Variants in PDGFRB observed in about 807,000 individuals in gnomAD.
PDGFRB encodes platelet-derived growth factor receptor beta.
PDGFRB carries 42 observed loss-of-function variants against 120.2 expected under a neutral mutation model. The observed-to-expected ratio is 0.35, with a 90% CI of 0.27 to 0.45. The LOEUF is 0.45. Ranked by LOEUF, PDGFRB falls within the 20% of genes least tolerant of loss-of-function variation. The pLI is 1.00. For missense variants in PDGFRB, 1,149 were observed against 1,476.3 expected, an observed-to-expected ratio of 0.78 and a Z score of 3.63; for synonymous variants, 586 against 606.8, an observed-to-expected ratio of 0.97 and a Z score of 0.50.
In PDGFRB at chr5:150,120,461, G is replaced by C. The variant is rs181007700; in HGVS notation, c.2587-338C>G. 6.6e-6 allele frequency among the ~76,000 whole-genome samples: 1 copy of C among 152,182 alleles called. No homozygotes were observed. Among genetic ancestry groups the C allele is most frequent in the South Asian group, 2.1e-4 (1 of 4,836 alleles). On this transcript the variant is annotated intron_variant, in intron 18 of 22. Transcript: ENST00000261799. The surrounding 1 kb of genome is among the most constrained non-coding windows in gnomAD (Gnocchi z 4.3). The stretch of plus-strand genomic sequence containing the variant: ...GCTGCCTTTGATCTCTGGGCCTAGC[G>C]TCCCTCCATCTGGGGTTTGCGGAAA...
chr5:150,114,533 G>A lies in PDGFRB; in HGVS notation c.*1230C>T. The A allele has an allele frequency of 4.3e-6, 1 of 233,360 alleles. No homozygotes were observed. 14.5% of individuals were successfully genotyped at this position (233,360 alleles called of 1,614,324 possible). A position where few individuals can be genotyped will look rare whatever the true frequency, so the allele number is the denominator to read the frequency against. ...CCCGTGGTCTTCCCATGTCCCTGGGGCAGCTGCTGGGGGCTTTCCAGGACA... is the reference window on the plus strand; with the variant it reads ...CCCGTGGTCTTCCCATGTCCCTGGGACAGCTGCTGGGGGCTTTCCAGGACA... On this transcript the variant is annotated 3_prime_UTR_variant, in exon 23 of 23. Transcript: ENST00000261799.
chr5:150,129,757 A>G lies in PDGFRB; in HGVS notation c.1579T>C (p.Ser527Pro), dbSNP rs1475343244. The G allele has an allele frequency of 1.9e-6, 3 of 1,610,386 alleles. No homozygotes were observed. Among genetic ancestry groups the G allele is most frequent in the Non-Finnish European group, 2.5e-6 (3 of 1,177,684 alleles). The change falls in exon 10 of 23, where the codon TCC becomes CCC. Residue 527 changes from serine to proline, a missense_variant and splice_region_variant. Coordinates refer to ENST00000261799, the MANE Select transcript of PDGFRB (RefSeq NM_002609.4). ...GGGGCCACTGAGGCTGGGGACTCAC[A>G]GTGTGGCACCACGATGACCTCCTGC... ...DTQEVIVVPH[S>P]LPFKVVVISA...
Position 150,132,993 on chromosome 5 carries a change from G to A in PDGFRB, c.935-51C>T, listed in dbSNP as rs1760515357. 7.5e-7 allele frequency: 1 copy of A among 1,337,576 alleles called. No individual in the cohort carries two copies. Among genetic ancestry groups the A allele is most frequent in the East Asian group, 2.5e-5 (1 of 39,614 alleles). 82.9% of individuals were successfully genotyped at this position (1,337,576 alleles called of 1,614,324 possible). ...GGGCCCTGGGGGCAGGGCACCAACT[G>A]AATCCCAAAGGAGGCCAGCCTGTGG... is the stretch of plus-strand genomic sequence containing the variant. On this transcript the variant is annotated intron_variant, in intron 6 of 22. Transcript: ENST00000261799. The surrounding 1 kb of genome is among the most constrained non-coding windows in gnomAD (Gnocchi z 5.0).
chr5:150,139,022 T>C (rs1273587665), intron 1 of PDGFRB, among the ~76,000 whole-genome samples: 1 of 152,152 alleles, frequency 6.6e-6, no homozygotes, highest in Non-Finnish European at 1.5e-5. Context: ...GGGCTGGGCC[T>C]TCATGGCATG....
rs55889271 is a variant in PDGFRB, at chr5:150,132,842, C to T, written c.1035G>A (p.Pro345=). The change falls in exon 7 of 23, where the codon CCG becomes CCA. Residue 345 remains proline, a synonymous_variant. Coordinates refer to ENST00000261799, the MANE Select transcript of PDGFRB (RefSeq NM_002609.4). This position sits in a 1 kb window ranked among gnomAD's most constrained non-coding sequence, Gnocchi z 5.0. The part of the protein sequence containing the change: ...TLQVVFEAYP[P]PTVLWFKDNR... ...TGTCTTTGAACCACAGGACAGTGGGCGGTGGGTAGGCCTCGAACACTACCT... is the reference window on the plus strand; with the variant it reads ...TGTCTTTGAACCACAGGACAGTGGGTGGTGGGTAGGCCTCGAACACTACCT... 59 of 1,610,122 alleles carry T rather than the reference C, an allele frequency of 3.7e-5. No homozygotes were observed. Among genetic ancestry groups the T allele is most frequent in the South Asian group, 7.8e-5 (7 of 90,254 alleles).
chr5:150,117,149 C>T (rs1759961111), intron 22 of PDGFRB, among the ~76,000 whole-genome samples: 1 of 152,236 alleles, frequency 6.6e-6, no homozygotes, highest in African/African-American at 2.4e-5. Flanking sequence ...TGAATTCTGT[C>T]CTGAATTCCT....
At chr5:150,134,653 G>A (rs962686051) in intron 4 of PDGFRB, 97 bp downstream of exon 4, 12 of 1,091,346 alleles carry the variant, frequency 1.1e-5, no homozygotes, top group African/African-American at 1.6e-5. Context: ...AATCCACTGG[G>A]AAGTGGAGTC....
intron 21 of PDGFRB, among the ~76,000 whole-genome samples, chr5:150,118,422 G>C (rs938895178): frequency 6.6e-6 from 1 of 152,164 alleles, no homozygotes; most frequent in African/African-American, 2.4e-5. Context: ...GTAACCTGGG[G>C]TTATTCACAC....
In PDGFRB at chr5:150,115,935, T is replaced by C. The variant is rs997837689; in HGVS notation, c.3149A>G (p.Asn1050Ser). The C allele has an allele frequency of 8.3e-6, 13 of 1,572,428 alleles. No homozygotes were observed. The highest frequency in any genetic ancestry group is 1.1e-5 in the Non-Finnish European group (13 of 1,157,352). ...GATGGTTGAGGAGGTGTTGACTTCA[T>C]TCAGGGTGGAGCTAGAGGAAAGAGG... ...GSPSLASSTL[N>S]EVNTSSTISC... Residue 1050 changes from asparagine to serine, a missense_variant, in exon 23 of 23, where the codon AAT (asparagine) becomes AGT (serine). Asn to Ser is a conservative substitution (Grantham distance 46, BLOSUM62 1). Transcript: ENST00000261799.
At chr5:150,116,663 C>T (rs1759943093) in intron 22 of PDGFRB, among the ~76,000 whole-genome samples, 1 of 151,544 alleles carries the variant, frequency 6.6e-6, no homozygotes, top group Non-Finnish European at 1.5e-5. Context: ...AAGAGGACAC[C>T]AATGTTTAGA....
At chr5:150,129,633 C>A in intron 10 of PDGFRB, 124 bp downstream of exon 10, 1 of 710,510 alleles carries the variant, frequency 1.4e-6, no homozygotes, top group South Asian at 1.7e-5. Flanking sequence ...TTTCACAATG[C>A]TCCTGTTTGC....
intron 1 of PDGFRB, among the ~76,000 whole-genome samples, chr5:150,149,699 G>A (rs997199705): frequency 3.4e-4 from 51 of 152,130 alleles, no homozygotes; most frequent in African/African-American, 1.2e-3. Context: ...TACCTTCAAT[G>A]CTCTGGGCCA....
chr5:150,115,714 G>C lies in PDGFRB; in HGVS notation c.*49C>G. 1 of 1,511,080 alleles carries C rather than the reference G, an allele frequency of 6.6e-7. No individual in the cohort carries two copies. The highest frequency in any genetic ancestry group is 8.9e-7 in the Non-Finnish European group (1 of 1,129,332). The allele number at this position is 1,511,080 out of a possible 1,614,324, so 93.6% of individuals were successfully genotyped here. On this transcript the variant is annotated 3_prime_UTR_variant, in exon 23 of 23. Coordinates refer to ENST00000261799, the MANE Select transcript of PDGFRB (RefSeq NM_002609.4). ...GTCAGGCCAGGCCAGGAGATGCTGG[G>C]TGCTGGCAGGGGGGGAGCTTCAGGC...
rs779148072 is a variant in PDGFRB, at chr5:150,121,279, T to C, written c.2388A>G (p.Pro796=). 1.2e-6 allele frequency: 2 copies of C among 1,606,804 alleles called. No individual in the cohort carries two copies. Among genetic ancestry groups the C allele is most frequent in the Admixed American group, 1.7e-5 (1 of 59,998 alleles). The change falls in exon 17 of 23, where the codon CCA becomes CCG. Residue 796 remains proline, a synonymous_variant. Transcript: ENST00000261799. This position sits in a 1 kb window ranked among gnomAD's most constrained non-coding sequence, Gnocchi z 4.1. ...CCACGAGGTCCATGTAGCTTAGCAC[T>C]GGAGACTCGTTGATCAAAGTTGCTC... is the stretch of plus-strand genomic sequence containing the variant. ...TCRATLINES[P]VLSYMDLVGF... is the part of the protein sequence containing the mutation.
chr5:150,128,732 C>G (rs1029450520), intron 10 of PDGFRB, among the ~76,000 whole-genome samples: 3 of 152,204 alleles, frequency 2.0e-5, no homozygotes, highest in Non-Finnish European at 4.4e-5. Context: ...TCCTGAATCC[C>G]ATAGCTGGGC....
chr5:150,151,909 G>C (rs1761087846), intron 1 of PDGFRB, among the ~76,000 whole-genome samples: 1 of 148,972 alleles, frequency 6.7e-6, no homozygotes, highest in African/African-American at 2.5e-5. Flanking sequence ...ATCTAATTTT[G>C]AGGTTGCTGT....
At chr5:150,150,083 T>C (rs1445042804) in intron 1 of PDGFRB, among the ~76,000 whole-genome samples, 3 of 152,180 alleles carry the variant, frequency 2.0e-5, no homozygotes, top group Non-Finnish European at 1.5e-5. Flanking sequence ...CCCAGGAAGA[T>C]TCCCATTTCT....
chr5:150,129,682 A>G (rs1580804563), intron 10 of PDGFRB, 75 bp downstream of exon 10: 1 of 1,261,120 alleles, frequency 7.9e-7, no homozygotes, highest in East Asian at 2.4e-5. Flanking sequence ...CTGTGGGTAC[A>G]TGGGCACATT....
At chr5:150,136,297 G>C (rs994699289) in intron 2 of PDGFRB, among the ~76,000 whole-genome samples, 2 of 152,214 alleles carry the variant, frequency 1.3e-5, no homozygotes, top group African/African-American at 4.8e-5. Context: ...GGTGGCTCTG[G>C]GTGGGAGAGA....
Sources: allele counts gnomAD v4.1 joint callset (sites outside exome capture counted in the v4.1 genomes callset), GRCh38; gene constraint gnomAD v4.1.1; non-coding constraint Gnocchi (gnomAD v3.1); transcripts MANE v1.5; gene names NCBI Gene and HGNC (gene_info 2026-07-23, HGNC 2026-07-21).